The following BAIAP3 variants were observed in gnomAD, a reference collection of about 807,000 sequenced individuals.
BAIAP3 encodes the protein BAI1-associated protein 3.
A neutral mutation model predicts 149.7 loss-of-function variants in BAIAP3; 180 were observed. The ratio of observed to expected loss-of-function variants is 1.20; its 90% confidence interval spans 1.07 to 1.36. BAIAP3 has a LOEUF of 1.36. BAIAP3 is among the 40% of genes most tolerant of loss of function. The pLI, the probability that BAIAP3 is intolerant of heterozygous loss-of-function variation, is 0.00. For missense variants in BAIAP3, 1,767 were observed against 1,563.4 expected, an observed-to-expected ratio of 1.13 and a Z score of -2.20; for synonymous variants, 845 against 670.7, an observed-to-expected ratio of 1.26 and a Z score of -4.02.
chr16:1,339,908 G>T (rs1247837542), intron 5 of BAIAP3, among the ~76,000 whole-genome samples: 1 of 123,666 alleles, frequency 8.1e-6, no homozygotes, highest in Non-Finnish European at 1.6e-5. Context: ...ACACAGACAC[G>T]CACACAGGCT....
chr16:1,336,092 G>A (rs890051141), intron 1 of BAIAP3: 5 of 451,778 alleles, frequency 1.1e-5, no homozygotes, highest in African/African-American at 6.4e-5. Context: ...AGGCCACTTG[G>A]CTCCTGCGTC....
At chr16:1,343,304 G>T (rs1484533976) in intron 14 of BAIAP3, 89 bp from the exon 15 acceptor site, 1 of 1,505,046 alleles carries the variant, frequency 6.6e-7, no homozygotes, top group Non-Finnish European at 8.9e-7. Flanking sequence ...ATTGGGTGGG[G>T]CAGAGAAAGG....
chr16:1,341,080 T>G (rs1596569430), intron 6 of BAIAP3, 49 bp from the exon 7 acceptor site: 1 of 1,611,006 alleles, frequency 6.2e-7, no homozygotes, highest in Non-Finnish European at 8.5e-7. Flanking sequence ...GTAGGGCATC[T>G]GGGGGGCAGC....
At chr16:1,347,069 C>A in intron 28 of BAIAP3, 114 bp downstream of exon 28, 1 of 1,037,040 alleles carries the variant, frequency 9.6e-7, no homozygotes, top group Non-Finnish European at 1.4e-6. Flanking sequence ...GCAGCCACTC[C>A]AGGGCTGTCC....
chr16:1,341,928 G>C, intron 9 of BAIAP3, 58 bp from the exon 10 acceptor site: 1 of 1,591,394 alleles, frequency 6.3e-7, no homozygotes, highest in Non-Finnish European at 8.6e-7. Flanking sequence ...GGAGCAGGAC[G>C]GACTCAGGGC....
chr16:1,334,422 C>A, intron 1 of BAIAP3: 1 of 551,998 alleles, frequency 1.8e-6, no homozygotes, highest in South Asian at 2.2e-5. Context: ...CTCCTGCGGG[C>A]GCCCGGGGCC....
At chr16:1,340,224 A>ACACAGGTTGCAGGTGCACACAGACACG (rs1567161241) in intron 5 of BAIAP3, among the ~76,000 whole-genome samples, 9 of 78,172 alleles carry the variant, frequency 1.2e-4, no homozygotes, top group South Asian at 4.6e-4. Context: ...ACACAGACAC[A>ACACAGGTTGCAGGTGCACACAGACACG]CACACAGGTT....
rs760477000 is a variant in BAIAP3, at chr16:1,339,187, A to G, written c.243A>G (p.Pro81=). 5 of 1,563,286 alleles carry G rather than the reference A, an allele frequency of 3.2e-6. No homozygotes were observed. Among genetic ancestry groups the G allele is most frequent in the Non-Finnish European group, 4.3e-6 (5 of 1,156,402 alleles). The part of the protein sequence containing the change: ...CLEVPLRSGS[P]APPEPVDPSL... Reference sequence around the variant, plus strand: ...AGGTCCCCCTGCGCAGTGGCTCGCCAGCACCCCCGGAGCCTGTGGATCCCA... The same window carrying G: ...AGGTCCCCCTGCGCAGTGGCTCGCCGGCACCCCCGGAGCCTGTGGATCCCA... Residue 81 remains proline, a synonymous_variant, in exon 4 of 34, where the codon CCA becomes CCG. Transcript: ENST00000426824.
chr16:1,343,103 GTGGC>G, intron 14 of BAIAP3, 87 bp downstream of exon 14: 1 of 1,299,836 alleles, frequency 7.7e-7, no homozygotes, highest in Non-Finnish European at 1.1e-6. Flanking sequence ...AGTGGATGTC[GTGGC>G]TGGGAGGGTG....
In BAIAP3 at chr16:1,348,181, T is replaced by C; in HGVS notation, c.3235T>C (p.Phe1079Leu). ...MDHDWLSTND[F>L]AGEAALGLGG... ...CCACGACTGGCTGTCCACCAACGAC[T>C]TCGCTGGGGAGGCGGCCCTCGGCCT... Residue 1079 changes from phenylalanine to leucine, a missense_variant, in exon 33 of 34, where the codon TTC becomes CTC. Coordinates refer to ENST00000426824, the MANE Select transcript of BAIAP3 (RefSeq NM_001199097.2). The C allele has an allele frequency of 6.2e-7, 1 of 1,609,300 alleles. No individual in the cohort carries two copies. The highest frequency in any genetic ancestry group is 8.5e-7 in the Non-Finnish European group (1 of 1,179,720).
At chr16:1,335,756 G>A (rs765319683) in intron 1 of BAIAP3, among the ~76,000 whole-genome samples, 1 of 152,146 alleles carries the variant, frequency 6.6e-6, no homozygotes, top group Non-Finnish European at 1.5e-5. Flanking sequence ...TCCTAGCAAC[G>A]GGCAGTGGGA....
In BAIAP3 at chr16:1,339,151, G is replaced by T. The variant is rs746183945; in HGVS notation, c.220-13G>T. 1 of 1,567,932 alleles carries T rather than the reference G, an allele frequency of 6.4e-7. No individual in the cohort carries two copies. The highest frequency in any genetic ancestry group is 1.2e-5 in the South Asian group (1 of 86,466). ...CCTGCCGTCAGAGCCCTCACCCTGGGCCCCACACACAGGTCCCCCTGCGCA... is the reference window on the plus strand; with the variant it reads ...CCTGCCGTCAGAGCCCTCACCCTGGTCCCCACACACAGGTCCCCCTGCGCA... On this transcript the variant is annotated splice_polypyrimidine_tract_variant and intron_variant, in intron 3 of 33. Transcript: ENST00000426824.
rs769222946 is a variant in BAIAP3, at chr16:1,342,931, C to A, written c.1180C>A (p.Arg394=). Residue 394 remains arginine (R), a synonymous_variant, in exon 14 of 34, where the codon CGA becomes AGA. Coordinates refer to ENST00000426824, the MANE Select transcript of BAIAP3 (RefSeq NM_001199097.2). ...CCCCCAGCCCAACTCCAGCAGCTGG[C>A]GAGGAGAGCTCAGCACACCAGCCGC... The part of the protein sequence containing the change: ...SAEEPNSSSW[R]GELSTPAATI... The A allele has an allele frequency of 1.6e-5, 25 of 1,612,102 alleles. No homozygotes were observed. The Admixed American group carries it at 4.2e-4, about 27-fold the overall frequency.
chr16:1,343,539 CAGCCATGGCG>C, intron 15 of BAIAP3, 26 bp downstream of exon 15: 1 of 1,603,020 alleles, frequency 6.2e-7, no homozygotes, highest in Non-Finnish European at 8.5e-7. Flanking sequence ...ACCTTCTTGC[CAGCCATGGCG>C]AAGGGAGTGC....
chr16:1,345,286 C>T lies in BAIAP3; in HGVS notation c.1978C>T (p.Pro660Ser), dbSNP rs1271529246. Residue 660 changes from proline to serine, a missense_variant, in exon 22 of 34, where the codon CCC (proline) becomes TCC (serine). By Grantham distance (74) the Pro-to-Ser change is moderately conservative. Coordinates refer to ENST00000426824, the MANE Select transcript of BAIAP3 (RefSeq NM_001199097.2). ...RSLALAGIHAPFLPAVKLWFQ... is the reference protein window; with the variant it reads ...RSLALAGIHASFLPAVKLWFQ... ...TCTGGCCCTGGCTGGCATCCACGCC[C>T]CCTTCCTGCCTGCTGTGAAGCTCTG... is the stretch of plus-strand genomic sequence containing the variant. 2 of 1,613,170 alleles carry T rather than the reference C, an allele frequency of 1.2e-6. No homozygotes were observed. The highest frequency in any genetic ancestry group is 2.2e-5 in the South Asian group (2 of 91,084).
rs764714947 is a variant in BAIAP3, at chr16:1,342,526, G to A, written c.958-1G>A. The A allele has an allele frequency of 5.9e-5, 92 of 1,551,930 alleles. No homozygotes were observed. The highest frequency in any genetic ancestry group is 7.4e-5 in the Non-Finnish European group (85 of 1,147,992). ...GGGCCTGACCCCCATGCTACCCCCA[G>A]GAGGTGCCTGTGGCTGGCGTCGACC... On this transcript the variant is annotated splice_acceptor_variant, in intron 11 of 33. Coordinates refer to ENST00000426824, the MANE Select transcript of BAIAP3 (RefSeq NM_001199097.2). LOFTEE classifies it high-confidence loss of function.
chr16:1,349,308 T>TG lies in BAIAP3; in HGVS notation c.*830dup. 1 of 1,017,868 alleles carries TG rather than the reference T, an allele frequency of 9.8e-7. No individual in the cohort carries two copies. The highest frequency in any genetic ancestry group is 1.5e-6 in the Non-Finnish European group (1 of 648,360). 63.1% of individuals were successfully genotyped at this position (1,017,868 alleles called of 1,614,324 possible). A position where few individuals can be genotyped will look rare whatever the true frequency, so the allele number is the denominator to read the frequency against. On this transcript the variant is annotated 3_prime_UTR_variant, in exon 34 of 34. Transcript: ENST00000426824. The stretch of plus-strand genomic sequence containing the variant: ...ACAGAGCACAGCTGTGCTGGAAGTG[T>TG]GGGGAGAACCCGGACAGCTCAGTCC...
In BAIAP3 at chr16:1,344,703, G is replaced by A; in HGVS notation, c.1757+5G>A. 1 of 1,613,420 alleles carries A rather than the reference G, an allele frequency of 6.2e-7. No individual in the cohort carries two copies. On this transcript the variant is annotated splice_donor_5th_base_variant and intron_variant, in intron 19 of 33. Coordinates refer to ENST00000426824, the MANE Select transcript of BAIAP3 (RefSeq NM_001199097.2). ...GTACGCCAGCCTCTTCCACAGGTGG[G>A]CCTGGCCCCTCAGTGCTGTCCTGGG... is the stretch of plus-strand genomic sequence containing the variant.
At chr16:1,334,355 A>T in intron 1 of BAIAP3, 2 of 429,140 alleles carry the variant, frequency 4.7e-6, no homozygotes, top group Non-Finnish European at 4.3e-6. Flanking sequence ...CCCCAGACTC[A>T]CCCCGGACCG....
Sources: gnomAD v4.1 joint callset for allele counts (sites outside exome capture counted in the v4.1 genomes callset) on GRCh38, gnomAD v4.1.1 for gene constraint, MANE v1.5 for transcripts, NCBI Gene and HGNC (gene_info 2026-07-23, HGNC 2026-07-21) for gene names.